The following HS3ST4 variants were observed in gnomAD, a reference collection of about 807,000 sequenced individuals.
HS3ST4 encodes the protein heparan sulfate glucosamine 3-O-sulfotransferase 4.
In HS3ST4, 17 loss-of-function variants were observed where a neutral mutation model predicts 29.2. The observed-to-expected ratio is 0.58, with a 90% CI of 0.40 to 0.87. HS3ST4 has a LOEUF of 0.87. Ranked by LOEUF, HS3ST4 falls within the 40% of genes least tolerant of loss-of-function variation. HS3ST4 has a pLI of 0.00. For missense variants in HS3ST4, 627 were observed against 634.5 expected, an observed-to-expected ratio of 0.99 and a Z score of 0.13; for synonymous variants, 314 against 285.7, an observed-to-expected ratio of 1.10 and a Z score of -1.00.
chr16:25,920,032 C>T (rs1968331290), intron 1 of HS3ST4, among the ~76,000 whole-genome samples: 2 of 151,774 alleles, frequency 1.3e-5, no homozygotes, highest in South Asian at 4.2e-4. Flanking sequence ...TCTTTTGCTT[C>T]ATATGATTCT....
intron 1 of HS3ST4, among the ~76,000 whole-genome samples, chr16:25,715,179 G>C (rs1299748534): frequency 6.6e-6 from 1 of 151,726 alleles, no homozygotes; most frequent in Non-Finnish European, 1.5e-5. Context: ...AAAATTAGCC[G>C]GGCGCGGTGG....
At chr16:25,841,976 T>C (rs997358046) in intron 1 of HS3ST4, among the ~76,000 whole-genome samples, 1 of 152,234 alleles carries the variant, frequency 6.6e-6, no homozygotes, top group Non-Finnish European at 1.5e-5. Context: ...GGCTTTATTC[T>C]TGAGTACTCA....
At chr16:26,099,183 C>G (rs375662897) in intron 1 of HS3ST4, among the ~76,000 whole-genome samples, 45 of 152,304 alleles carry the variant, frequency 3.0e-4, no homozygotes, top group African/African-American at 1.1e-3. Flanking sequence ...GAGACAGGGT[C>G]TTGCTCTGCT....
intron 1 of HS3ST4, among the ~76,000 whole-genome samples, chr16:26,088,727 T>C (rs955439959): frequency 5.9e-5 from 9 of 152,212 alleles, no homozygotes; most frequent in African/African-American, 1.9e-4. Context: ...TCAACTCTTA[T>C]GTTAAGACAC....
intron 1 of HS3ST4, among the ~76,000 whole-genome samples, chr16:26,091,994 AG>A (rs1241738369): frequency 6.6e-6 from 1 of 152,156 alleles, no homozygotes; most frequent in Non-Finnish European, 1.5e-5. Flanking sequence ...AGTGACAGCA[AG>A]GCAGGTGGTG....
intron 1 of HS3ST4, among the ~76,000 whole-genome samples, chr16:26,080,551 T>C (rs1173815427): frequency 1.3e-5 from 2 of 151,946 alleles, no homozygotes; most frequent in Admixed American, 1.3e-4. Flanking sequence ...GGAAAGCAAA[T>C]GGCAAATGCA....
chr16:25,697,115 T>C (rs1966303557), intron 1 of HS3ST4, among the ~76,000 whole-genome samples: 1 of 152,222 alleles, frequency 6.6e-6, no homozygotes, highest in Non-Finnish European at 1.5e-5. Context: ...ATTCATTCAT[T>C]CAATTATTTA....
Position 26,028,082 on chromosome 16 carries a change from G to C in HS3ST4, c.735-107530G>C, listed in dbSNP as rs180920965. ...GAGGTCAGGAGTTCGAGACCAGCCT[G>C]ACCAACATGGTGAAACCCTGTCTCT... On this transcript the variant is annotated intron_variant, in intron 1 of 1. Coordinates refer to ENST00000331351, the MANE Select transcript of HS3ST4 (RefSeq NM_006040.3). Among the ~76,000 whole-genome samples, 991 of 152,208 alleles carry C rather than the reference G, an allele frequency of 6.5e-3. 12 individuals carry two copies. Among genetic ancestry groups the C allele is most frequent in the African/African-American group, 0.022 (911 of 41,528 alleles).
intron 1 of HS3ST4, among the ~76,000 whole-genome samples, chr16:25,977,542 T>TA (rs1306395124): frequency 6.6e-6 from 1 of 152,326 alleles, no homozygotes; most frequent in African/African-American, 2.4e-5. Context: ...ATCATTGTAA[T>TA]ATCCAATCCA....
chr16:26,052,136 C>A lies in HS3ST4; in HGVS notation c.735-83476C>A, dbSNP rs1035492940. On this transcript the variant is annotated intron_variant, in intron 1 of 1. Transcript: ENST00000331351. The stretch of plus-strand genomic sequence containing the variant: ...TTCCAGAGAGGGTTGTGTCCCACAC[C>A]CAGAAGGAAGGAACACTGCTCAGAG... 2.0e-5 allele frequency among the ~76,000 whole-genome samples: 3 copies of A among 152,072 alleles called. No individual in the cohort carries two copies. In the East Asian group the frequency reaches 5.8e-4, roughly 29 times the overall value.
At chr16:25,805,691 C>G (rs1194283898) in intron 1 of HS3ST4, among the ~76,000 whole-genome samples, 3 of 152,038 alleles carry the variant, frequency 2.0e-5, no homozygotes, top group Admixed American at 1.3e-4. Flanking sequence ...CAAATTACTT[C>G]TTTTTAAAAA....
intron 1 of HS3ST4, among the ~76,000 whole-genome samples, chr16:25,845,495 C>T (rs1448722660): frequency 6.6e-6 from 1 of 151,822 alleles, no homozygotes; most frequent in Non-Finnish European, 1.5e-5. Flanking sequence ...GGCGACAGAG[C>T]GAGACTTCAT....
intron 1 of HS3ST4, among the ~76,000 whole-genome samples, chr16:25,827,361 G>A (rs539290840): frequency 3.3e-5 from 5 of 152,174 alleles, no homozygotes; most frequent in South Asian, 2.1e-4. Flanking sequence ...TACCCTGATC[G>A]ACACCTGCAG....
chr16:25,698,584 G>A (rs1216792830), intron 1 of HS3ST4, among the ~76,000 whole-genome samples: 2 of 152,164 alleles, frequency 1.3e-5, no homozygotes, highest in African/African-American at 4.8e-5. Flanking sequence ...AGGAATAAAT[G>A]AAATAATAAA....
intron 1 of HS3ST4, among the ~76,000 whole-genome samples, chr16:26,016,530 A>C (rs1011133390): frequency 6.6e-6 from 1 of 152,216 alleles, no homozygotes; most frequent in Non-Finnish European, 1.5e-5. Flanking sequence ...ATAAAGGGAA[A>C]GTGAGTCTCA....
intron 1 of HS3ST4, chr16:25,825,355 A>G (rs926361986): frequency 1.3e-5 from 2 of 152,220 alleles, no homozygotes; most frequent in African/African-American, 4.8e-5. Context: ...TTGCTATGGC[A>G]AACTTAGGAA....
intron 1 of HS3ST4, among the ~76,000 whole-genome samples, chr16:25,803,626 C>T (rs1966962313): frequency 6.6e-6 from 1 of 152,060 alleles, no homozygotes; most frequent in South Asian, 2.1e-4. Context: ...TAAATGAAGA[C>T]TTCCTATCTT....
At chr16:25,751,996 C>A (rs1966724255) in intron 1 of HS3ST4, among the ~76,000 whole-genome samples, 1 of 137,790 alleles carries the variant, frequency 7.3e-6, no homozygotes, top group South Asian at 2.6e-4. Flanking sequence ...CTTCCATTTC[C>A]CTTTTTTTTT....
intron 1 of HS3ST4, among the ~76,000 whole-genome samples, chr16:26,055,990 G>A (rs115882981): frequency 0.011 from 1,643 of 151,632 alleles, 35 homozygotes; most frequent in African/African-American, 0.036. Flanking sequence ...ATACCTGACC[G>A]GCTGGATTTA....
Sources: gnomAD v4.1 joint callset for allele counts (sites outside exome capture counted in the v4.1 genomes callset) on GRCh38, gnomAD v4.1.1 for gene constraint, MANE v1.5 for transcripts, NCBI Gene and HGNC (gene_info 2026-07-23, HGNC 2026-07-21) for gene names.